The following VASH1 variants were observed in gnomAD, a reference collection of about 807,000 sequenced individuals.
The protein encoded by VASH1 is vasohibin 1.
VASH1 carries 16 observed loss-of-function variants against 35.0 expected under a neutral mutation model. The observed-to-expected ratio is 0.46, with a 90% confidence interval of 0.31 to 0.70. The LOEUF (loss-of-function observed/expected upper bound fraction) is 0.70, where lower values mean the gene tolerates loss of function less well. Among genes scored for constraint, VASH1 ranks in the 30% least tolerant of loss-of-function variants. The pLI is 0.05. For synonymous variants in VASH1, 214 were observed against 200.9 expected, an observed-to-expected ratio of 1.07 and a Z score of -0.55; for missense variants, 505 against 510.7, an observed-to-expected ratio of 0.99 and a Z score of 0.11.
At chr14:76,777,925 G>A (rs1893988161) in intron 5 of VASH1, 34 bp from the exon 6 acceptor site, 2 of 1,444,310 alleles carry the variant, frequency 1.4e-6, no homozygotes, top group Non-Finnish European at 1.8e-6. Flanking sequence ...GGGCAGTCCT[G>A]GAGTGATGCT....
intron 4 of VASH1, chr14:76,774,390 C>T (rs1893875805): frequency 6.6e-6 from 1 of 152,294 alleles, no homozygotes; most frequent in Non-Finnish European, 1.5e-5. Flanking sequence ...CAGGCAGTGC[C>T]TCCTTCATGT....
In VASH1 at chr14:76,762,643, T is replaced by A. The variant is rs1364984556; in HGVS notation, c.-179T>A. On this transcript the variant is annotated 5_prime_UTR_variant, in exon 1 of 7. Coordinates refer to ENST00000167106, the MANE Select transcript of VASH1 (RefSeq NM_014909.5). ...GACAACCCACCCCCTCGGACCCTAA[T>A]TCACCTTATTGCACTGATTTTTTTT... The A allele has an allele frequency of 8.2e-6, 4 of 484,980 alleles. No individual in the cohort carries two copies. The highest frequency in any genetic ancestry group is 1.0e-5 in the Non-Finnish European group (3 of 287,846). 30.0% of individuals were successfully genotyped at this position (484,980 alleles called of 1,614,324 possible). A position where few individuals can be genotyped will look rare whatever the true frequency, so the allele number is the denominator to read the frequency against.
In VASH1 at chr14:76,776,217, G is replaced by T; in HGVS notation, c.856G>T (p.Gly286Cys). 6.2e-7 allele frequency: 1 copy of T among 1,609,126 alleles called. No individual in the cohort carries two copies. Among genetic ancestry groups the T allele is most frequent in the South Asian group, 1.1e-5 (1 of 90,972 alleles). The change falls in exon 5 of 7, where the codon GGC becomes TGC. Residue 286 changes from glycine (G) to cysteine (C), a missense_variant. Gly to Cys is a radical substitution (Grantham distance 159, BLOSUM62 -3). Transcript: ENST00000167106. ...CTCGGTGCTGGACGTGGAGCGCCTGGGCCGCGATGACTTCCGCAAGGAGCT... is the reference window on the plus strand; with the variant it reads ...CTCGGTGCTGGACGTGGAGCGCCTGTGCCGCGATGACTTCCGCAAGGAGCT... ...KHSVLDVERL[G>C]RDDFRKELER... is the part of the protein sequence containing the mutation.
At chr14:76,775,078 G>A (rs757890077) in intron 4 of VASH1, among the ~76,000 whole-genome samples, 3 of 152,212 alleles carry the variant, frequency 2.0e-5, no homozygotes, top group Non-Finnish European at 4.4e-5. Context: ...ACTGTTGTGT[G>A]CCCGGCTTGA....
At chr14:76,777,927 A>G in intron 5 of VASH1, 32 bp from the exon 6 acceptor site, 6 of 1,446,590 alleles carry the variant, frequency 4.1e-6, no homozygotes, top group Non-Finnish European at 5.5e-6. Context: ...GCAGTCCTGG[A>G]GTGATGCTGT....
intron 1 of VASH1, 119 bp from the exon 2 acceptor site, chr14:76,769,844 G>A (rs1206427300): frequency 3.2e-6 from 3 of 950,586 alleles, no homozygotes; most frequent in Non-Finnish European, 4.9e-6. Context: ...AAGTGGGAGG[G>A]AGGGGAGGCT....
intron 1 of VASH1, among the ~76,000 whole-genome samples, chr14:76,768,471 C>T (rs1380105174): frequency 3.9e-5 from 6 of 152,080 alleles, no homozygotes; most frequent in Admixed American, 2.0e-4. Context: ...GAAGTGCAGG[C>T]GACGCTGTGG....
Position 76,779,008 on chromosome 14 carries a change from T to C in VASH1, c.1088T>C (p.Ile363Thr), listed in dbSNP as rs750433254. Reference sequence around the variant, plus strand: ...ATGCCAGACCTTAACGGGTACCAGATCCGGGTCTGAGGCGGATGCCAGCAC... The same window carrying C: ...ATGCCAGACCTTAACGGGTACCAGACCCGGGTCTGAGGCGGATGCCAGCAC... ...KAMPDLNGYQIRV is the reference protein window; with the variant it reads ...KAMPDLNGYQTRV The change falls in exon 7 of 7, where the codon ATC (isoleucine) becomes ACC (threonine). Residue 363 changes from isoleucine to threonine, a missense_variant. Coordinates refer to ENST00000167106, the MANE Select transcript of VASH1 (RefSeq NM_014909.5). 1 of 1,613,926 alleles carries C rather than the reference T, an allele frequency of 6.2e-7. No homozygotes were observed. The highest frequency in any genetic ancestry group is 8.5e-7 in the Non-Finnish European group (1 of 1,180,034).
chr14:76,768,582 A>T (rs966369934), intron 1 of VASH1, among the ~76,000 whole-genome samples: 10 of 152,164 alleles, frequency 6.6e-5, no homozygotes, highest in African/African-American at 2.4e-4. Context: ...CACCCCAGAC[A>T]TGAGTGTGCA....
At chr14:76,776,314 C>T in intron 5 of VASH1, 41 bp downstream of exon 5, 1 of 1,461,642 alleles carries the variant, frequency 6.8e-7, no homozygotes, top group South Asian at 1.3e-5. Flanking sequence ...CCCTCGCCCC[C>T]TCCCCCGCCC....
chr14:76,770,881 T>C (rs1893776279), intron 2 of VASH1, among the ~76,000 whole-genome samples: 1 of 152,212 alleles, frequency 6.6e-6, no homozygotes, highest in Non-Finnish European at 1.5e-5. Context: ...TCCTGTGGCT[T>C]CTCAGCTGGT....
intron 4 of VASH1, chr14:76,774,250 C>T (rs1893871465): frequency 6.6e-6 from 1 of 152,258 alleles, no homozygotes; most frequent in Admixed American, 6.5e-5. Context: ...CCGCAGAGGT[C>T]TCGGAGGGAA....
intron 1 of VASH1, among the ~76,000 whole-genome samples, chr14:76,766,884 C>T (rs1199330678): frequency 1.3e-5 from 2 of 152,200 alleles, no homozygotes; most frequent in Non-Finnish European, 2.9e-5. Context: ...CTCATTCGCA[C>T]TATAAGGCTG....
chr14:76,779,645 G>A lies in VASH1; in HGVS notation c.*627G>A. ...TCAGGAGAGCCTTCAGGCCCTTGAGGCCCCCATGGGCAGTGCTGTGTGGGC... is the reference window on the plus strand; with the variant it reads ...TCAGGAGAGCCTTCAGGCCCTTGAGACCCCCATGGGCAGTGCTGTGTGGGC... On this transcript the variant is annotated 3_prime_UTR_variant, in exon 7 of 7. Coordinates refer to ENST00000167106, the MANE Select transcript of VASH1 (RefSeq NM_014909.5). 1 of 608,908 alleles carries A rather than the reference G, an allele frequency of 1.6e-6. No individual in the cohort carries two copies. 37.7% of individuals were successfully genotyped at this position (608,908 alleles called of 1,614,324 possible). A position where few individuals can be genotyped will look rare whatever the true frequency, so the allele number is the denominator to read the frequency against.
At chr14:76,768,125 G>A (rs1217558411) in intron 1 of VASH1, among the ~76,000 whole-genome samples, 1 of 152,260 alleles carries the variant, frequency 6.6e-6, no homozygotes, top group Non-Finnish European at 1.5e-5. Flanking sequence ...TCAGGTGACT[G>A]GGTGGATGTG....
intron 1 of VASH1, chr14:76,769,322 G>A: frequency 7.8e-7 from 1 of 1,289,070 alleles, no homozygotes; most frequent in Non-Finnish European, 1.0e-6. Flanking sequence ...AGACTTGGAG[G>A]AGGACCCGGC....
intron 1 of VASH1, among the ~76,000 whole-genome samples, chr14:76,763,529 G>A (rs1053579587): frequency 1.3e-5 from 2 of 152,164 alleles, no homozygotes; most frequent in Non-Finnish European, 2.9e-5. Context: ...AAATATTTTC[G>A]TGCATTATGT....
intron 4 of VASH1, chr14:76,773,652 A>C: frequency 5.1e-6 from 1 of 195,910 alleles, no homozygotes; most frequent in African/African-American, 2.3e-5. Flanking sequence ...AAAAAAAACC[A>C]CAAACAAGGT....
chr14:76,764,716 C>T (rs1326662896), intron 1 of VASH1, among the ~76,000 whole-genome samples: 2 of 146,054 alleles, frequency 1.4e-5, no homozygotes, highest in African/African-American at 2.5e-5. Context: ...GATGGAGTCT[C>T]ACTCTTTCCA....
Sources: allele counts gnomAD v4.1 joint callset (sites outside exome capture counted in the v4.1 genomes callset), GRCh38; gene constraint gnomAD v4.1.1; transcripts MANE v1.5; gene names NCBI Gene and HGNC (gene_info 2026-07-23, HGNC 2026-07-21).